HEMK2: variants seen among roughly 807,000 people sequenced by gnomAD.
The protein encoded by HEMK2 is methyltransferase HEMK2.
chr21:28,697,763 G>A, the HEMK2 span, among the ~76,000 whole-genome samples: 1 of 106,922 alleles, frequency 9.4e-6, no homozygotes, highest in Admixed American at 1.3e-4. Flanking sequence ...TGTACAGCCT[G>A]CAGAATCATG....
chr21:28,646,479 A>G, the HEMK2 span, among the ~76,000 whole-genome samples: 152,337 of 152,354 alleles, frequency 1, 76,160 homozygotes, highest in Middle Eastern at 1. Context: ...TGACCCAAAT[A>G]ACTCTCTCAT....
the HEMK2 span, among the ~76,000 whole-genome samples, chr21:28,706,291 C>A: frequency 6.6e-6 from 1 of 151,884 alleles, no homozygotes; most frequent in African/African-American, 2.4e-5. Flanking sequence ...ACTACAAATT[C>A]ATTTCATCTG....
At chr21:28,871,591 C>T in the HEMK2 span, among the ~76,000 whole-genome samples, 33 of 152,198 alleles carry the variant, frequency 2.2e-4, no homozygotes, top group South Asian at 3.7e-3. Context: ...TTGTACTCAG[C>T]GTATTAATTT....
At chr21:28,756,157 C>CAGGTGAGT in the HEMK2 span, among the ~76,000 whole-genome samples, 4 of 152,180 alleles carry the variant, frequency 2.6e-5, no homozygotes, top group Non-Finnish European at 5.9e-5. Flanking sequence ...TTCCGAGCAA[C>CAGGTGAGT]AGGTGAGTTG....
At chr21:28,793,949 A>G in the HEMK2 span, among the ~76,000 whole-genome samples, 1 of 152,190 alleles carries the variant, frequency 6.6e-6, no homozygotes, top group African/African-American at 2.4e-5. Context: ...ACATGGCCCT[A>G]CTGACACCTT....
chr21:28,816,715 C>G, the HEMK2 span, among the ~76,000 whole-genome samples: 3 of 152,158 alleles, frequency 2.0e-5, no homozygotes, highest in African/African-American at 7.2e-5. Context: ...AGAAGAGATA[C>G]AGCTGAAGAA....
At chr21:28,836,553 C>G in the HEMK2 span, among the ~76,000 whole-genome samples, 2 of 151,766 alleles carry the variant, frequency 1.3e-5, no homozygotes, top group Non-Finnish European at 2.9e-5. Context: ...GCATAAATCA[C>G]ACAGGACCTA....
At chr21:28,876,473 A>C in the HEMK2 span, 1 of 1,604,350 alleles carries the variant, frequency 6.2e-7, no homozygotes, top group Non-Finnish European at 8.5e-7. Context: ...TTTTGTCTTC[A>C]TTATTTTCAA....
the HEMK2 span, among the ~76,000 whole-genome samples, chr21:28,683,389 C>A: frequency 4.6e-4 from 70 of 152,280 alleles, no homozygotes; most frequent in African/African-American, 1.6e-3. Flanking sequence ...AGCTTTATAA[C>A]TGCAGTCATC....
chr21:28,691,575 C>A, the HEMK2 span, among the ~76,000 whole-genome samples: 6 of 152,046 alleles, frequency 3.9e-5, no homozygotes, highest in Admixed American at 1.3e-4. Context: ...TGCCCCCGAG[C>A]CTGCAATCAG....
At chr21:28,836,445 C>A in the HEMK2 span, among the ~76,000 whole-genome samples, 1 of 151,858 alleles carries the variant, frequency 6.6e-6, no homozygotes, top group Non-Finnish European at 1.5e-5. Flanking sequence ...TAAGAGAATT[C>A]GCCATTACCA....
chr21:28,882,350 ATTT>A, the HEMK2 span: 1 of 836,196 alleles, frequency 1.2e-6, no homozygotes, highest in Admixed American at 2.7e-5. Context: ...CACAGAACAG[ATTT>A]AGAAAAAAAA....
chr21:28,808,411 C>CAAAAAA, the HEMK2 span, among the ~76,000 whole-genome samples: 1 of 126,928 alleles, frequency 7.9e-6, no homozygotes. Flanking sequence ...TCTACCCTTC[C>CAAAAAA]AAAAAAAAAA....
the HEMK2 span, among the ~76,000 whole-genome samples, chr21:28,828,806 G>A: frequency 2.0e-5 from 3 of 152,034 alleles, no homozygotes; most frequent in East Asian, 1.9e-4. Flanking sequence ...TGAAGAAACC[G>A]ACTCAGCTGC....
the HEMK2 span, among the ~76,000 whole-genome samples, chr21:28,582,542 G>T: frequency 1.3e-5 from 2 of 152,272 alleles, no homozygotes; most frequent in African/African-American, 4.8e-5. Context: ...TCTGCAGAGG[G>T]TCTGCCAGGG....
chr21:28,733,889 G>T, the HEMK2 span, among the ~76,000 whole-genome samples: 1 of 63,272 alleles, frequency 1.6e-5, no homozygotes, highest in South Asian at 4.8e-4. Context: ...TCCCAGCAAC[G>T]GCAGCGCTAT....
At chr21:28,758,504 A>G in the HEMK2 span, among the ~76,000 whole-genome samples, 1 of 152,312 alleles carries the variant, frequency 6.6e-6, no homozygotes, top group African/African-American at 2.4e-5. Context: ...GATGAGGGAA[A>G]GGAAATCCGT....
chr21:28,819,221 TA>T, the HEMK2 span, among the ~76,000 whole-genome samples: 41 of 150,750 alleles, frequency 2.7e-4, 1 homozygote, highest in Admixed American at 4.6e-4. Flanking sequence ...TAAGGATACA[TA>T]AAGTCTTTCA....
At chr21:28,803,551 T>C in the HEMK2 span, among the ~76,000 whole-genome samples, 3 of 152,214 alleles carry the variant, frequency 2.0e-5, no homozygotes, top group African/African-American at 4.8e-5. Flanking sequence ...AGGTTTTCTT[T>C]TTCAGCTTCT....
Sources: allele counts gnomAD v4.1 joint callset (sites outside exome capture counted in the v4.1 genomes callset), GRCh38; gene constraint gnomAD v4.1.1; transcripts MANE v1.5; gene names NCBI Gene and HGNC (gene_info 2026-07-23, HGNC 2026-07-21).